The following RORA variants were observed in gnomAD, a reference collection of about 807,000 sequenced individuals.
The protein encoded by RORA is RAR related orphan receptor A, also known as nuclear receptor ROR-alpha.
A neutral mutation model predicts 69.5 loss-of-function variants in RORA; 7 were observed. The ratio of observed to expected loss-of-function variants is 0.10; its 90% CI spans 0.06 to 0.19. The LOEUF is 0.19. Ranked by LOEUF, RORA falls within the 10% of genes least tolerant of loss-of-function variation. The pLI, the probability that RORA is intolerant of heterozygous loss-of-function variation, is 1.00. For synonymous variants in RORA, 261 were observed against 240.8 expected, an observed-to-expected ratio of 1.08 and a Z score of -0.78; for missense variants, 457 against 663.0, an observed-to-expected ratio of 0.69 and a Z score of 3.41.
chr15:61,101,735 CT>C (rs1344079125), intron 1 of RORA, among the ~76,000 whole-genome samples: 4 of 152,054 alleles, frequency 2.6e-5, no homozygotes, highest in Non-Finnish European at 4.4e-5. Context: ...AAAGGACATT[CT>C]CCCTGCTGTG....
chr15:60,649,920 C>T (rs2070114529), intron 2 of RORA, among the ~76,000 whole-genome samples: 2 of 152,156 alleles, frequency 1.3e-5, no homozygotes, highest in South Asian at 2.1e-4. Context: ...TTGACACCCT[C>T]CCTCTGCCGT....
chr15:61,205,877 G>A (rs2079936681), intron 1 of RORA, among the ~76,000 whole-genome samples: 1 of 152,184 alleles, frequency 6.6e-6, no homozygotes, highest in Non-Finnish European at 1.5e-5. Flanking sequence ...GTCAGGGGAA[G>A]GGGATGGGGA....
intron 2 of RORA, among the ~76,000 whole-genome samples, chr15:60,664,169 A>T (rs1256873385): frequency 1.3e-5 from 2 of 152,158 alleles, no homozygotes; most frequent in Non-Finnish European, 2.9e-5. Flanking sequence ...CCAATTATAC[A>T]CAGGATTAGG....
At chr15:60,791,916 A>G (rs2072423293) in intron 1 of RORA, among the ~76,000 whole-genome samples, 1 of 152,200 alleles carries the variant, frequency 6.6e-6, no homozygotes, top group African/African-American at 2.4e-5. Flanking sequence ...CATACATGCA[A>G]ATAAAGAGTA....
intron 1 of RORA, among the ~76,000 whole-genome samples, chr15:60,817,179 C>T (rs1329273108): frequency 6.6e-6 from 1 of 152,130 alleles, no homozygotes; most frequent in Non-Finnish European, 1.5e-5. Flanking sequence ...AGGCAAATGT[C>T]GGAGAGATTG....
At chr15:60,684,400 C>T (rs1481662786) in intron 1 of RORA, among the ~76,000 whole-genome samples, 1 of 152,078 alleles carries the variant, frequency 6.6e-6, no homozygotes, top group African/African-American at 2.4e-5. Context: ...TGGATCATGA[C>T]GTCAGGCATT....
At position 60,922,107 on chromosome 15, in the gene RORA, A is replaced by G. The variant is rs190328383; in HGVS notation, c.167-243421T>C. ...TTTTTGCATATATACATCAGTTTGCATCTCTGAGAAATAACTCTTTTAGAA... is the reference window on the plus strand; with the variant it reads ...TTTTTGCATATATACATCAGTTTGCGTCTCTGAGAAATAACTCTTTTAGAA... On this transcript the variant is annotated intron_variant, in intron 1 of 10. Transcript: ENST00000335670. Among the ~76,000 whole-genome samples the G allele has an allele frequency of 2.0e-5, 3 of 152,306 alleles. No homozygotes were observed. In the East Asian group the frequency reaches 5.8e-4, roughly 29 times the overall value.
chr15:60,830,709 TCATACAAG>T (rs1567206194), intron 1 of RORA, among the ~76,000 whole-genome samples: 1 of 152,206 alleles, frequency 6.6e-6, no homozygotes, highest in East Asian at 1.9e-4. Flanking sequence ...AGCTACTAAT[TCATACAAG>T]CATACTAATG....
At chr15:60,601,041 A>G (rs2068797184) in intron 2 of RORA, 1 of 152,250 alleles carries the variant, frequency 6.6e-6, no homozygotes, top group East Asian at 1.9e-4. Context: ...CGGTGGAACC[A>G]TAAGAAAAAA....
chr15:60,805,145 C>G (rs16943129), intron 1 of RORA, among the ~76,000 whole-genome samples: 1,665 of 152,266 alleles, frequency 0.011, 32 homozygotes, highest in African/African-American at 0.039. Context: ...AAGCTGCTCT[C>G]TCCCACACCC....
chr15:61,114,298 G>A (rs978593403), intron 1 of RORA, among the ~76,000 whole-genome samples: 1 of 152,086 alleles, frequency 6.6e-6, no homozygotes, highest in Admixed American at 6.5e-5. Flanking sequence ...TTACCCCTCA[G>A]CTAGCAGGCA....
At chr15:60,541,300 C>G (rs901310410) in intron 2 of RORA, among the ~76,000 whole-genome samples, 1 of 152,162 alleles carries the variant, frequency 6.6e-6, no homozygotes, top group African/African-American at 2.4e-5. Flanking sequence ...AGATGTATTT[C>G]TGAACTGTGG....
At chr15:60,651,170 C>A (rs969315201) in intron 2 of RORA, among the ~76,000 whole-genome samples, 3 of 152,080 alleles carry the variant, frequency 2.0e-5, no homozygotes, top group Admixed American at 1.3e-4. Flanking sequence ...TTACTATGTC[C>A]CCATCCTTTC....
intron 1 of RORA, among the ~76,000 whole-genome samples, chr15:60,850,933 C>A (rs773938311): frequency 2.0e-5 from 3 of 152,178 alleles, no homozygotes; most frequent in Non-Finnish European, 4.4e-5. Context: ...CACCAAAAAG[C>A]CTTATTTTGC....
chr15:60,567,745 A>G (rs1033702896), intron 2 of RORA, among the ~76,000 whole-genome samples: 5 of 152,066 alleles, frequency 3.3e-5, no homozygotes, highest in African/African-American at 1.2e-4. Context: ...TAATTCTACC[A>G]TTGCATGAGT....
rs59644906 is a variant in RORA at position 61,135,146 on chromosome 15, TAA to T, written c.166+93905_166+93906del. On this transcript the variant is annotated intron_variant, in intron 1 of 10. Coordinates refer to ENST00000335670, the MANE Select transcript of RORA (RefSeq NM_134261.3). Reference sequence around the variant, plus strand: ...AACATGGTGAAACCCCATCTCTTACTAAAAAAAAAAAAAAAAAAAAAAAAATC... The same window carrying T: ...AACATGGTGAAACCCCATCTCTTACTAAAAAAAAAAAAAAAAAAAAAAATC... 2.0e-3 allele frequency among the ~76,000 whole-genome samples: 115 copies of T among 56,588 alleles called. 1 individual carries two copies. Among genetic ancestry groups the T allele is most frequent in the African/African-American group, 6.9e-3 (109 of 15,736 alleles). The allele number at this position is 56,588 out of a possible 152,430, so 37.1% of individuals were successfully genotyped here. A position where few individuals can be genotyped will look rare whatever the true frequency, so the allele number is the denominator to read the frequency against.
intron 1 of RORA, among the ~76,000 whole-genome samples, chr15:61,121,228 A>C (rs1215548456): frequency 6.6e-6 from 1 of 152,198 alleles, no homozygotes; most frequent in African/African-American, 2.4e-5. Context: ...ACAGATGAGG[A>C]CATTAAGGCT....
rs190318558 is a variant in RORA, at chr15:61,040,319, G to C, written c.166+188734C>G. ...AAGCAAAGCAAGAATATGGGTTCAG[G>C]CTTGAGCTAAAACTAGTAATTGCAA... On this transcript the variant is annotated intron_variant, in intron 1 of 10. Coordinates refer to ENST00000335670, the MANE Select transcript of RORA (RefSeq NM_134261.3). 3.9e-3 allele frequency among the ~76,000 whole-genome samples: 596 copies of C among 151,366 alleles called. 11 individuals carry two copies. The highest frequency in any genetic ancestry group is 0.035 in the Admixed American group (524 of 15,176).
intron 2 of RORA, among the ~76,000 whole-genome samples, chr15:60,583,941 T>C (rs1202739708): frequency 1.3e-5 from 2 of 152,168 alleles, no homozygotes; most frequent in East Asian, 3.9e-4. Context: ...AAAAGAAGAT[T>C]CCTTGGCCTC....
Sources: allele counts gnomAD v4.1 joint callset (sites outside exome capture counted in the v4.1 genomes callset), GRCh38; gene constraint gnomAD v4.1.1; transcripts MANE v1.5; gene names NCBI Gene and HGNC (gene_info 2026-07-23, HGNC 2026-07-21).